PDE1C: variants seen among roughly 807,000 people sequenced by gnomAD.
The protein encoded by PDE1C is phosphodiesterase 1C.
PDE1C carries 62 observed loss-of-function variants against 93.1 expected under a neutral mutation model. The ratio of observed to expected loss-of-function variants is 0.67; its 90% CI spans 0.54 to 0.82. PDE1C has a LOEUF of 0.82. Ranked by LOEUF, PDE1C falls within the 40% of genes least tolerant of loss-of-function variation. PDE1C has a pLI of 0.00. For synonymous variants in PDE1C, 325 were observed against 310.1 expected (o/e 1.05, Z -0.50); for missense variants, 742 against 884.6 (o/e 0.84, Z 2.04).
At chr7:31,911,174 A>C (rs1455508022) in intron 2 of PDE1C, among the ~76,000 whole-genome samples, 1 of 152,216 alleles carries the variant, frequency 6.6e-6, no homozygotes, top group Non-Finnish European at 1.5e-5. Flanking sequence ...ATGATGGTAC[A>C]TATTGGTTAT....
At chr7:31,853,513 G>A (rs766841610) in intron 7 of PDE1C, among the ~76,000 whole-genome samples, 6 of 152,058 alleles carry the variant, frequency 3.9e-5, no homozygotes, top group South Asian at 2.1e-4. Context: ...TGACTGGAGC[G>A]GGAGAGAAGG....
At chr7:32,131,542 A>G (rs1199483466) in intron 3 of PDE1C, among the ~76,000 whole-genome samples, 1 of 152,120 alleles carries the variant, frequency 6.6e-6, no homozygotes, top group African/African-American at 2.4e-5. Context: ...CCCTGATGAA[A>G]CCATCTCATT....
At chr7:32,136,372 C>T (rs1800212207) in intron 3 of PDE1C, among the ~76,000 whole-genome samples, 2 of 152,088 alleles carry the variant, frequency 1.3e-5, no homozygotes, top group South Asian at 4.2e-4. Context: ...GACGGAGTCT[C>T]ACTCTGTCGC....
At chr7:32,319,716 T>C (rs1783248138) in intron 1 of PDE1C, among the ~76,000 whole-genome samples, 1 of 152,230 alleles carries the variant, frequency 6.6e-6, no homozygotes, top group Admixed American at 6.5e-5. Flanking sequence ...TGGAACCCTG[T>C]CTTCAATAGG....
rs975074571 is a variant in PDE1C at position 31,943,768 on chromosome 7, G to C, written c.129-62908C>G. ...AAAACTCTGCATTTTATTGGATTCA[G>C]ATCAGAATTTCAGATACTGGGATCA... On this transcript the variant is annotated intron_variant, in intron 2 of 17. Transcript: ENST00000396191. 2.0e-5 allele frequency among the ~76,000 whole-genome samples: 3 copies of C among 152,076 alleles called. No homozygotes were observed. The East Asian group carries it at 5.8e-4, about 30-fold the overall frequency.
At chr7:32,327,209 AC>A (rs1285798130) in intron 1 of PDE1C, among the ~76,000 whole-genome samples, 1 of 152,208 alleles carries the variant, frequency 6.6e-6, no homozygotes, top group Non-Finnish European at 1.5e-5. Flanking sequence ...TCTGTGAACT[AC>A]TGCAATACTC....
chr7:32,061,673 C>G (rs555144385), intron 1 of PDE1C, among the ~76,000 whole-genome samples: 2 of 152,292 alleles, frequency 1.3e-5, no homozygotes, highest in South Asian at 2.1e-4. Context: ...CTCTTTCTGC[C>G]CTTGGAATAC....
In PDE1C at chr7:31,880,816, A is replaced by T; in HGVS notation, c.173T>A (p.Val58Glu). Reference protein sequence around the residue: ...VKQLERGEASVVDLKKNLEYA... With the variant: ...VKQLERGEASEVDLKKNLEYA... ...TTCCAAATTCTTCTTAAGATCTACCACTGAAGCTTCCCCTCTCTCTAATTG... is the reference window on the plus strand; with the variant it reads ...TTCCAAATTCTTCTTAAGATCTACCTCTGAAGCTTCCCCTCTCTCTAATTG... The change falls in exon 3 of 18, where the codon GTG (valine) becomes GAG (glutamate). Residue 58 changes from valine (V) to glutamate (E), a missense_variant. Physicochemically the swap from Val to Glu is moderately radical, Grantham distance 121. Around this residue, in one of 4 missense-constraint regions of PDE1C, gnomAD observed 74 missense variants for 88.2 expected, o/e 0.84. Coordinates refer to ENST00000396191, the MANE Select transcript of PDE1C (RefSeq NM_001191057.4). 1 of 1,612,076 alleles carries T rather than the reference A, an allele frequency of 6.2e-7. No homozygotes were observed. Among genetic ancestry groups the T allele is most frequent in the Non-Finnish European group, 8.5e-7 (1 of 1,178,264 alleles).
intron 16 of PDE1C, among the ~76,000 whole-genome samples, chr7:31,794,037 TAGATAGACAGACAGACAGACAGACAGAC>T (rs1784922369): frequency 1.9e-5 from 2 of 105,764 alleles, no homozygotes; most frequent in Admixed American, 9.2e-5. Flanking sequence ...GATAGATAGA[TAGATAGACAGACAGACAGACAGACAGAC>T]AGACAGACAG....
chr7:32,094,374 A>C (rs1797633161), intron 3 of PDE1C, among the ~76,000 whole-genome samples: 2 of 152,130 alleles, frequency 1.3e-5, no homozygotes, highest in South Asian at 4.1e-4. Context: ...GGAGGAGGGA[A>C]ATTTTGTGCT....
At chr7:31,889,589 T>C (rs1321692031) in intron 2 of PDE1C, among the ~76,000 whole-genome samples, 2 of 152,188 alleles carry the variant, frequency 1.3e-5, no homozygotes, top group Non-Finnish European at 2.9e-5. Context: ...AGAGGAGCCC[T>C]GCATGCTCAG....
intron 1 of PDE1C, among the ~76,000 whole-genome samples, chr7:32,350,616 C>T (rs1308412036): frequency 1.9e-4 from 1 of 5,324 alleles, no homozygotes; most frequent in African/African-American, 2.2e-4. Flanking sequence ...TTATTATACT[C>T]TAAGTTTTAG....
chr7:31,744,259 C>A, the PDE1C span, among the ~76,000 whole-genome samples: 3 of 151,882 alleles, frequency 2.0e-5, no homozygotes, highest in Admixed American at 1.3e-4. Context: ...TTTATGTAGA[C>A]AAACACACAC....
intron 1 of PDE1C, among the ~76,000 whole-genome samples, chr7:32,426,310 G>T (rs117364921): frequency 0.03 from 4,108 of 136,232 alleles, 85 homozygotes; most frequent in Admixed American, 0.045. Flanking sequence ...GTCTTACTTT[G>T]TCACCCAGGC....
intron 2 of PDE1C, among the ~76,000 whole-genome samples, chr7:31,961,779 T>A (rs1008842730): frequency 2.6e-5 from 4 of 152,150 alleles, no homozygotes; most frequent in Non-Finnish European, 5.9e-5. Context: ...TATAAACACA[T>A]ATCATTTCAC....
intron 3 of PDE1C, among the ~76,000 whole-genome samples, chr7:32,087,972 G>A (rs1797215228): frequency 1.3e-5 from 2 of 150,978 alleles, no homozygotes; most frequent in South Asian, 2.1e-4. Context: ...TGCACATTGT[G>A]CACATGTACC....
At chr7:31,683,399 C>T in the PDE1C span, among the ~76,000 whole-genome samples, 1 of 147,534 alleles carries the variant, frequency 6.8e-6, no homozygotes, top group South Asian at 2.3e-4. Flanking sequence ...TGTGACAATT[C>T]ATATCTGAAA....
chr7:31,936,705 G>T (rs896949665), intron 2 of PDE1C, among the ~76,000 whole-genome samples: 1 of 152,136 alleles, frequency 6.6e-6, no homozygotes, highest in Non-Finnish European at 1.5e-5. Flanking sequence ...ATTTTAAAGG[G>T]GTAGAGAGAA....
chr7:32,030,078 AACACACACACAC>A lies in PDE1C; in HGVS notation c.128+21464_128+21475del, dbSNP rs376919544. ...CAAGTTGCTGAAAAATGCATATTATAACACACACACACACACACACACACACACACACACACA... is the reference window on the plus strand; with the variant it reads ...CAAGTTGCTGAAAAATGCATATTATAACACACACACACACACACACACACA... On this transcript the variant is annotated intron_variant, in intron 2 of 17. Coordinates refer to ENST00000396191, the MANE Select transcript of PDE1C (RefSeq NM_001191057.4). Among the ~76,000 whole-genome samples, 257 of 134,080 alleles carry A rather than the reference AACACACACACAC, an allele frequency of 1.9e-3. 3 individuals carry two copies. The highest frequency in any genetic ancestry group is 5.7e-3 in the African/African-American group (206 of 36,146). The allele number at this position is 134,080 out of a possible 152,430, so 88.0% of individuals were successfully genotyped here. A position where few individuals can be genotyped will look rare whatever the true frequency, so the allele number is the denominator to read the frequency against.
Sources: allele counts gnomAD v4.1 joint callset (sites outside exome capture counted in the v4.1 genomes callset), GRCh38; gene constraint gnomAD v4.1.1; regional missense constraint gnomAD v4.1.1; transcripts MANE v1.5; gene names NCBI Gene and HGNC (gene_info 2026-07-23, HGNC 2026-07-21).